Variants in NSF observed in about 807,000 individuals in gnomAD.
NSF encodes the protein N-ethylmaleimide sensitive factor, vesicle fusing ATPase.
NSF carries 14 observed loss-of-function variants against 50.3 expected under a neutral mutation model. The ratio of observed to expected loss-of-function variants is 0.28; its 90% CI spans 0.18 to 0.44. The LOEUF is 0.44. Among genes scored for constraint, NSF ranks in the 20% least tolerant of loss-of-function variants. The pLI is 1.00. For synonymous variants in NSF, 109 were observed against 175.7 expected (o/e 0.62, Z 3.00); for missense variants, 218 against 504.3 (o/e 0.43, Z 5.44).
At chr17:46,738,786 A>G (rs2059035768) in intron 17 of NSF, among the ~76,000 whole-genome samples, 2 of 152,260 alleles carry the variant, frequency 1.3e-5, no homozygotes, top group African/African-American at 2.4e-5. Flanking sequence ...ACCAGGATTC[A>G]TGAGCTGTTC....
At chr17:46,696,394 A>G (rs2058595314) in intron 12 of NSF, among the ~76,000 whole-genome samples, 1 of 140,958 alleles carries the variant, frequency 7.1e-6, no homozygotes, top group African/African-American at 2.9e-5. Context: ...CAGAAAGTAC[A>G]TGCAAGGCAA....
At chr17:46,752,260 C>T (rs1014298123) in intron 19 of NSF, among the ~76,000 whole-genome samples, 2 of 152,142 alleles carry the variant, frequency 1.3e-5, no homozygotes, top group Admixed American at 6.5e-5. Flanking sequence ...CTCCTGGCAA[C>T]TTACCTTTCT....
At chr17:46,697,215 CTTTTTTT>C (rs56144516) in intron 12 of NSF, among the ~76,000 whole-genome samples, 8 of 122,112 alleles carry the variant, frequency 6.6e-5, no homozygotes, top group African/African-American at 2.4e-4. Flanking sequence ...AATTATTTTT[CTTTTTTT>C]TTTTTTGAAA....
chr17:46,667,012 CAG>C (rs2058342084), intron 8 of NSF, among the ~76,000 whole-genome samples: 1 of 137,340 alleles, frequency 7.3e-6, no homozygotes, highest in Non-Finnish European at 1.6e-5. Flanking sequence ...CTGTCAGTCT[CAG>C]AAGTAATTTG....
chr17:46,710,338 G>A (rs946092032), intron 13 of NSF, among the ~76,000 whole-genome samples: 3 of 152,132 alleles, frequency 2.0e-5, no homozygotes, highest in Non-Finnish European at 4.4e-5. Context: ...TGCAATTTAA[G>A]CTCCAATATG....
chr17:46,722,138 C>T (rs2058837317), intron 15 of NSF: 4 of 1,611,922 alleles, frequency 2.5e-6, no homozygotes, highest in Non-Finnish European at 1.7e-6. Flanking sequence ...CGCCATTGGG[C>T]TTCACGATCT....
intron 4 of NSF, among the ~76,000 whole-genome samples, chr17:46,635,818 T>TGTGTGTGTGTGTGTGTGTGTGTGC (rs1208936942): frequency 4.3e-5 from 6 of 138,358 alleles, no homozygotes; most frequent in African/African-American, 1.3e-4. Context: ...TGTGTGTGTG[T>TGTGTGTGTGTGTGTGTGTGTGTGC]GCTCGTGTGT....
chr17:46,729,980 A>G (rs553770064), intron 17 of NSF, among the ~76,000 whole-genome samples: 1 of 152,128 alleles, frequency 6.6e-6, no homozygotes, highest in Non-Finnish European at 1.5e-5. Context: ...CATTCCTAGT[A>G]ATTGGAGTCT....
At chr17:46,722,183 G>A in intron 15 of NSF, 1 of 1,608,414 alleles carries the variant, frequency 6.2e-7, no homozygotes, top group Non-Finnish European at 8.5e-7. Flanking sequence ...TCTCCTGGGA[G>A]AACTTGCAGC....
At chr17:46,730,395 T>C (rs1276490723) in intron 17 of NSF, among the ~76,000 whole-genome samples, 2 of 152,170 alleles carry the variant, frequency 1.3e-5, no homozygotes, top group African/African-American at 4.8e-5. Context: ...CTTCTTGTTC[T>C]TTACATTGTT....
At chr17:46,750,437 G>A (rs116248974) in intron 18 of NSF, among the ~76,000 whole-genome samples, 149,583 of 152,326 alleles carry the variant, frequency 0.98, 73,499 homozygotes, top group East Asian at 1. Flanking sequence ...TAGGTTGAGC[G>A]TCTCTAATCT....
At chr17:46,707,379 T>C (rs2058667329) in intron 13 of NSF, among the ~76,000 whole-genome samples, 1 of 152,234 alleles carries the variant, frequency 6.6e-6, no homozygotes, top group Admixed American at 6.5e-5. Context: ...TGTATTGTGT[T>C]AAAATACATA....
intron 1 of NSF, among the ~76,000 whole-genome samples, chr17:46,619,784 A>AAG (rs1555667515): frequency 2.3e-5 from 2 of 88,182 alleles, no homozygotes; most frequent in Non-Finnish European, 4.2e-5. Context: ...AAAAAAAAAA[A>AAG]AAAAAAAAAA....
At chr17:46,676,455 C>T (rs2058410163) in intron 9 of NSF, among the ~76,000 whole-genome samples, 1 of 137,562 alleles carries the variant, frequency 7.3e-6, no homozygotes, top group Non-Finnish European at 1.5e-5. Flanking sequence ...TGGTCTCGAG[C>T]TCCCAGCCTC....
At position 46,756,663 on chromosome 17, in the gene NSF, A is replaced by G. The variant is rs762669390; in HGVS notation, c.*840A>G. On this transcript the variant is annotated 3_prime_UTR_variant, in exon 21 of 21. Transcript: ENST00000398238. The stretch of plus-strand genomic sequence containing the variant: ...TTAGTGTCCAACTCCAAGTGGGTCA[A>G]TTCCTTAGTATAATATTAAGGCTTA... 1 of 152,672 alleles carries G rather than the reference A, an allele frequency of 6.5e-6. No homozygotes were observed. The highest frequency in any genetic ancestry group is 1.5e-5 in the Non-Finnish European group (1 of 68,050). The allele number at this position is 152,672 out of a possible 1,614,324, so 9.5% of individuals were successfully genotyped here.
chr17:46,690,628 T>TAC (rs1307992799), intron 9 of NSF, among the ~76,000 whole-genome samples: 8 of 96,588 alleles, frequency 8.3e-5, no homozygotes, highest in Non-Finnish European at 1.6e-4. Flanking sequence ...AAAAAAAATA[T>TAC]ATATATATAT....
intron 13 of NSF, among the ~76,000 whole-genome samples, chr17:46,709,668 T>C (rs781121465): frequency 1.1e-4 from 17 of 152,042 alleles, no homozygotes; most frequent in Non-Finnish European, 2.1e-4. Context: ...CTAATTTTTG[T>C]ATTTTTAGTA....
chr17:46,657,471 A>G (rs1372925703), intron 8 of NSF, among the ~76,000 whole-genome samples: 1 of 150,674 alleles, frequency 6.6e-6, no homozygotes, highest in Non-Finnish European at 1.5e-5. Context: ...CCTCATTATA[A>G]AAATGGGAAG....
chr17:46,723,395 G>A (rs1051047329), intron 15 of NSF, among the ~76,000 whole-genome samples: 4 of 152,122 alleles, frequency 2.6e-5, no homozygotes, highest in Admixed American at 6.5e-5. Context: ...CATTGGCTGC[G>A]GTTCCATCTT....
Sources: gnomAD v4.1 joint callset for allele counts (sites outside exome capture counted in the v4.1 genomes callset) on GRCh38, gnomAD v4.1.1 for gene constraint, MANE v1.5 for transcripts, NCBI Gene and HGNC (gene_info 2026-07-23, HGNC 2026-07-21) for gene names.